Variants in SCAF8 observed in about 807,000 individuals in gnomAD.
The protein encoded by SCAF8 is SR-related CTD associated factor 8.
Under a neutral mutation model 140.5 loss-of-function variants are expected in SCAF8, and 23 were observed. That is an observed-to-expected ratio of 0.16 (90% CI 0.12 to 0.23). The LOEUF (loss-of-function observed/expected upper bound fraction) is 0.23, where lower values mean the gene tolerates loss of function less well. Ranked by LOEUF, SCAF8 falls within the 10% of genes least tolerant of loss-of-function variation. The probability of loss-of-function intolerance (pLI) is 1.00; values close to 1 mark genes in which losing one functional copy is unlikely to be tolerated. For synonymous variants in SCAF8, 575 were observed against 528.9 expected (o/e 1.09, Z -1.20); for missense variants, 1,397 against 1,555.7 (o/e 0.90, Z 1.72).
Position 154,818,567 on chromosome 6 carries a change from A to G in SCAF8, c.1610A>G (p.Tyr537Cys), listed in dbSNP as rs1554263517. ...CTTCAGAAACTCAGTTCTGGATCAT[A>G]TAAAATTGGGTCCAAGGTCATTAAG... Reference protein sequence around the residue: ...RALQKLSSGSYKIGSKVIKIA... With the variant: ...RALQKLSSGSCKIGSKVIKIA... The change falls in exon 14 of 20, where the codon TAT (tyrosine) becomes TGT (cysteine). Residue 537 changes from tyrosine (Y) to cysteine (C), a missense_variant. Coordinates refer to ENST00000367178, the MANE Select transcript of SCAF8 (RefSeq NM_014892.5). The G allele has an allele frequency of 6.2e-7, 1 of 1,601,856 alleles. No individual in the cohort carries two copies. Among genetic ancestry groups the G allele is most frequent in the African/African-American group, 1.3e-5 (1 of 74,442 alleles).
chr6:154,760,351 A>G (rs570708551), intron 1 of SCAF8, among the ~76,000 whole-genome samples: 2 of 152,238 alleles, frequency 1.3e-5, no homozygotes, highest in African/African-American at 4.8e-5. Context: ...TTAAAAATTA[A>G]AGAGGATTTC....
At position 154,792,825 on chromosome 6, in the gene SCAF8, T is replaced by C; in HGVS notation, c.324T>C (p.Ser108=). 1 of 1,596,828 alleles carries C rather than the reference T, an allele frequency of 6.3e-7. No homozygotes were observed. The highest frequency in any genetic ancestry group is 1.3e-5 in the African/African-American group (1 of 74,110). Residue 108 remains serine (S), a splice_region_variant and synonymous_variant, in exon 5 of 20, where the codon AGT becomes AGC. Coordinates refer to ENST00000367178, the MANE Select transcript of SCAF8 (RefSeq NM_014892.5). ...NLYRCPGDDK[S]KIVRVLNLWQ... is the part of the protein sequence containing the mutation. ...GTCATGTTTCTTTTTTTCTCTAGAG[T>C]AAAATAGTGAGAGTACTAAACTTAT...
In SCAF8 at chr6:154,811,675, T is replaced by C. The variant is rs537499803; in HGVS notation, c.1420+1467T>C. Among the ~76,000 whole-genome samples the C allele has an allele frequency of 2.8e-4, 43 of 152,112 alleles. 1 individual carries two copies. The highest frequency in any genetic ancestry group is 1.9e-4 in the Non-Finnish European group (13 of 68,016). ...TTACATTAGGTATTTCTCCTAATGC[T>C]ACCCTTCCCCCAACCCCCCATCCCC... On this transcript the variant is annotated intron_variant, in intron 12 of 19. Coordinates refer to ENST00000367178, the MANE Select transcript of SCAF8 (RefSeq NM_014892.5).
intron 4 of SCAF8, among the ~76,000 whole-genome samples, chr6:154,789,799 C>G (rs1777361813): frequency 6.6e-6 from 1 of 152,184 alleles, no homozygotes; most frequent in African/African-American, 2.4e-5. Context: ...CCTGCCTTGG[C>G]CTCCCAAAGT....
At chr6:154,776,736 T>C (rs1332387964) in intron 2 of SCAF8, among the ~76,000 whole-genome samples, 1 of 152,202 alleles carries the variant, frequency 6.6e-6, no homozygotes, top group African/African-American at 2.4e-5. Context: ...AGACTTAAAC[T>C]TGTAGGTTTT....
At chr6:154,792,211 C>G (rs1190033311) in intron 4 of SCAF8, among the ~76,000 whole-genome samples, 1 of 152,066 alleles carries the variant, frequency 6.6e-6, no homozygotes, top group Admixed American at 6.6e-5. Context: ...GGTTACGCTT[C>G]AGATTCTGTC....
intron 6 of SCAF8, among the ~76,000 whole-genome samples, chr6:154,798,655 A>T (rs76338777): frequency 1.3e-5 from 2 of 151,494 alleles, no homozygotes; most frequent in Non-Finnish European, 3.0e-5. Flanking sequence ...AAACCACTTA[A>T]TGGGGCTTCT....
intron 13 of SCAF8, among the ~76,000 whole-genome samples, chr6:154,816,634 C>T (rs1442262826): frequency 6.6e-6 from 1 of 152,178 alleles, no homozygotes; most frequent in Non-Finnish European, 1.5e-5. Context: ...CTTAATTCAT[C>T]AGGCGTCTGA....
intron 1 of SCAF8, among the ~76,000 whole-genome samples, chr6:154,754,609 G>A (rs977820470): frequency 6.6e-6 from 1 of 152,220 alleles, no homozygotes; most frequent in Non-Finnish European, 1.5e-5. Context: ...ATAATTGACA[G>A]TGGACCTCAC....
intron 1 of SCAF8, among the ~76,000 whole-genome samples, chr6:154,737,235 T>C (rs1778446675): frequency 6.6e-6 from 1 of 152,238 alleles, no homozygotes; most frequent in South Asian, 2.1e-4. Context: ...TCTTTGGGTT[T>C]AATCCATCAC....
chr6:154,813,895 A>G (rs1050314594), intron 12 of SCAF8, among the ~76,000 whole-genome samples: 26 of 152,234 alleles, frequency 1.7e-4, no homozygotes, highest in African/African-American at 6.3e-4. Flanking sequence ...GGCAGCTTGT[A>G]GAACCTAGCA....
Position 154,832,460 on chromosome 6 carries a change from G to A in SCAF8, c.2881G>A (p.Ala961Thr), listed in dbSNP as rs1778775238. ...CCCACCCCCATCGGTACTTGATTCA[G>A]CTCTTCATCCACCACCCCGTGGACC... is the stretch of plus-strand genomic sequence containing the variant. ...GIPPPSVLDS[A>T]LHPPPRGPFP... Residue 961 changes from alanine (A) to threonine (T), a missense_variant, in exon 20 of 20, where the codon GCT (alanine) becomes ACT (threonine). Coordinates refer to ENST00000367178, the MANE Select transcript of SCAF8 (RefSeq NM_014892.5). 2 of 1,613,924 alleles carry A rather than the reference G, an allele frequency of 1.2e-6. No individual in the cohort carries two copies. The highest frequency in any genetic ancestry group is 1.1e-5 in the South Asian group (1 of 91,080).
At chr6:154,810,711 TG>T (rs1243312587) in intron 12 of SCAF8, among the ~76,000 whole-genome samples, 2 of 152,072 alleles carry the variant, frequency 1.3e-5, no homozygotes, top group Non-Finnish European at 2.9e-5. Context: ...TCGGTAGTGG[TG>T]GGGTTTGGTT....
intron 1 of SCAF8, among the ~76,000 whole-genome samples, chr6:154,753,252 G>A (rs536251340): frequency 2.6e-5 from 4 of 152,162 alleles, no homozygotes; most frequent in Non-Finnish European, 4.4e-5. Context: ...AGTCACCTGA[G>A]GTTGGGAGTT....
At chr6:154,801,178 AGTTT>A (rs1226248769) in intron 6 of SCAF8, among the ~76,000 whole-genome samples, 4 of 151,506 alleles carry the variant, frequency 2.6e-5, no homozygotes, top group Non-Finnish European at 3.0e-5. Flanking sequence ...AAGTGACTCT[AGTTT>A]GTTTCCTAGT....
rs78140763 is a variant in SCAF8, at chr6:154,823,751, A to G, written c.1927-483A>G. ...GGGATGTTGAATAGACACTTGATGTAATGTGAAATTTACAGGAGAGGTAAA... is the reference window on the plus strand; with the variant it reads ...GGGATGTTGAATAGACACTTGATGTGATGTGAAATTTACAGGAGAGGTAAA... On this transcript the variant is annotated intron_variant, in intron 16 of 19. Coordinates refer to ENST00000367178, the MANE Select transcript of SCAF8 (RefSeq NM_014892.5). 4.6e-5 allele frequency among the ~76,000 whole-genome samples: 7 copies of G among 152,334 alleles called. No homozygotes were observed. The East Asian group carries it at 1.3e-3, about 29-fold the overall frequency.
At chr6:154,809,617 T>G (rs1778028093) in intron 11 of SCAF8, among the ~76,000 whole-genome samples, 1 of 152,182 alleles carries the variant, frequency 6.6e-6, no homozygotes, top group African/African-American at 2.4e-5. Flanking sequence ...CCATAAAATT[T>G]TATAAGTTGG....
chr6:154,806,247 ATATGT>A (rs1380310019), intron 9 of SCAF8, among the ~76,000 whole-genome samples: 5 of 152,336 alleles, frequency 3.3e-5, no homozygotes, highest in Admixed American at 2.6e-4. Flanking sequence ...AACTGATAAA[ATATGT>A]TAAGTTGTAG....
intron 2 of SCAF8, among the ~76,000 whole-genome samples, chr6:154,775,767 G>GT (rs1238850977): frequency 6.6e-6 from 1 of 151,578 alleles, no homozygotes; most frequent in Non-Finnish European, 1.5e-5. Flanking sequence ...AAGAAGTAAT[G>GT]TTTTTTAAAA....
Sources: gnomAD v4.1 joint callset for allele counts (sites outside exome capture counted in the v4.1 genomes callset) on GRCh38, gnomAD v4.1.1 for gene constraint, MANE v1.5 for transcripts, NCBI Gene and HGNC (gene_info 2026-07-23, HGNC 2026-07-21) for gene names.